The following NFATC3 variants were observed in gnomAD, a reference collection of about 807,000 sequenced individuals.
NFATC3 encodes nuclear factor of activated T-cells, cytoplasmic 3.
In NFATC3, 46 loss-of-function variants were observed where a neutral mutation model predicts 98.6. That is an observed-to-expected ratio of 0.47 (90% CI 0.37 to 0.60). NFATC3 has a LOEUF of 0.60. Among genes scored for constraint, NFATC3 ranks in the 20% least tolerant of loss-of-function variants. The pLI, the probability that NFATC3 is intolerant of heterozygous loss-of-function variation, is 0.00. For missense variants in NFATC3, 1,256 were observed against 1,295.5 expected, an observed-to-expected ratio of 0.97 and a Z score of 0.47; for synonymous variants, 512 against 472.2, an observed-to-expected ratio of 1.08 and a Z score of -1.09.
intron 1 of NFATC3, chr16:68,089,011 A>G (rs75739761): frequency 0.044 from 42,926 of 985,312 alleles, 990 homozygotes; most frequent in Middle Eastern, 0.097. Context: ...GTTTTGAATC[A>G]TTGCTCACTG....
intron 3 of NFATC3, among the ~76,000 whole-genome samples, chr16:68,129,140 C>T (rs576792825): frequency 1.4e-4 from 21 of 152,130 alleles, no homozygotes; most frequent in Non-Finnish European, 3.1e-4. Flanking sequence ...TAGCATGCGC[C>T]TGTAGTCCCA....
intron 3 of NFATC3, among the ~76,000 whole-genome samples, chr16:68,156,239 T>TG (rs1297864774): frequency 2.0e-5 from 3 of 151,816 alleles, no homozygotes; most frequent in East Asian, 1.9e-4. Flanking sequence ...CGCTTGACCC[T>TG]GGGGGGCAGA....
chr16:68,127,277 A>G (rs545085168), intron 3 of NFATC3, among the ~76,000 whole-genome samples: 7 of 152,256 alleles, frequency 4.6e-5, no homozygotes, highest in East Asian at 1.9e-4. Context: ...ATTACCCAAA[A>G]TCTAACCCTC....
At chr16:68,116,374 A>G (rs1409962249) in intron 1 of NFATC3, among the ~76,000 whole-genome samples, 1 of 152,126 alleles carries the variant, frequency 6.6e-6, no homozygotes, top group Non-Finnish European at 1.5e-5. Context: ...CATACTATAC[A>G]TAAAAACATT....
chr16:68,133,404 C>T (rs912904699), intron 3 of NFATC3, among the ~76,000 whole-genome samples: 4 of 151,994 alleles, frequency 2.6e-5, no homozygotes, highest in Non-Finnish European at 4.4e-5. Context: ...CTATTTACTC[C>T]GCAAATATGT....
At chr16:68,200,396 A>C (rs1177712837) in intron 9 of NFATC3, 1 of 151,930 alleles carries the variant, frequency 6.6e-6, no homozygotes, top group Non-Finnish European at 1.5e-5. Context: ...CTTTCCCTAC[A>C]TAGGTTTATA....
chr16:68,207,348 C>T (rs1252690134), intron 9 of NFATC3, among the ~76,000 whole-genome samples: 4 of 152,026 alleles, frequency 2.6e-5, no homozygotes, highest in Non-Finnish European at 4.4e-5. Flanking sequence ...GTTTCCCTCT[C>T]GGCTGTTGGG....
At chr16:68,094,314 T>C (rs574230162) in intron 1 of NFATC3, among the ~76,000 whole-genome samples, 1 of 152,226 alleles carries the variant, frequency 6.6e-6, no homozygotes, top group African/African-American at 2.4e-5. Context: ...TTTAGATCTG[T>C]CGTCAAAATT....
In NFATC3 at chr16:68,226,534, T is replaced by C. The variant is rs1430188289; in HGVS notation, c.*63T>C. The C allele has an allele frequency of 6.3e-6, 9 of 1,439,042 alleles. No individual in the cohort carries two copies. Among genetic ancestry groups the C allele is most frequent in the East Asian group, 2.7e-5 (1 of 36,390 alleles). The allele number at this position is 1,439,042 out of a possible 1,614,324, so 89.1% of individuals were successfully genotyped here. A position where few individuals can be genotyped will look rare whatever the true frequency, so the allele number is the denominator to read the frequency against. On this transcript the variant is annotated 3_prime_UTR_variant, in exon 10 of 10. Transcript: ENST00000346183. ...TCAGCATGTTTCTCTCCTTGGACCT[T>C]GGGTTTCCAACTCTGCAGCCTTCAG...
intron 1 of NFATC3, among the ~76,000 whole-genome samples, chr16:68,117,337 T>C (rs924602896): frequency 4.6e-5 from 7 of 152,202 alleles, no homozygotes; most frequent in African/African-American, 1.7e-4. Context: ...CTCCTAAATT[T>C]ATATCAGATC....
At chr16:68,133,803 TTATC>T (rs1166964058) in intron 3 of NFATC3, among the ~76,000 whole-genome samples, 1 of 152,180 alleles carries the variant, frequency 6.6e-6, no homozygotes, top group Non-Finnish European at 1.5e-5. Flanking sequence ...AAGTGTTTCT[TTATC>T]TGTTATCTTT....
At chr16:68,161,336 G>C (rs1405798537) in intron 4 of NFATC3, among the ~76,000 whole-genome samples, 2 of 152,134 alleles carry the variant, frequency 1.3e-5, no homozygotes, top group Non-Finnish European at 2.9e-5. Context: ...CATTCCTCTG[G>C]ATATTCAAAG....
intron 1 of NFATC3, among the ~76,000 whole-genome samples, chr16:68,118,930 C>T (rs1028091994): frequency 3.3e-5 from 5 of 152,096 alleles, no homozygotes; most frequent in Admixed American, 2.6e-4. Flanking sequence ...TGCAATGGCG[C>T]GATCTTGGCT....
intron 1 of NFATC3, among the ~76,000 whole-genome samples, chr16:68,115,036 A>G (rs1325501016): frequency 1.3e-5 from 2 of 151,732 alleles, no homozygotes; most frequent in African/African-American, 4.8e-5. Context: ...GTGAAACACA[A>G]TTTAAATAAC....
intron 3 of NFATC3, among the ~76,000 whole-genome samples, chr16:68,148,488 A>G (rs2038152413): frequency 1.3e-5 from 2 of 152,228 alleles, no homozygotes; most frequent in Admixed American, 6.5e-5. Flanking sequence ...TTTACAGAAA[A>G]TGGAAACATA....
chr16:68,112,937 A>C (rs2036062084), intron 1 of NFATC3, among the ~76,000 whole-genome samples: 1 of 152,150 alleles, frequency 6.6e-6, no homozygotes, highest in Non-Finnish European at 1.5e-5. Flanking sequence ...CAGCTCAATC[A>C]GGTCATTTAT....
intron 1 of NFATC3, among the ~76,000 whole-genome samples, chr16:68,095,132 G>A (rs1045049765): frequency 1.3e-5 from 2 of 152,082 alleles, no homozygotes; most frequent in Non-Finnish European, 2.9e-5. Flanking sequence ...GATGCTGGGA[G>A]GGGGTCAACC....
intron 3 of NFATC3, among the ~76,000 whole-genome samples, chr16:68,143,209 T>TAAAAAAAAAAAAAAA: frequency 2.0e-5 from 1 of 49,778 alleles, no homozygotes; most frequent in Non-Finnish European, 4.8e-5. Flanking sequence ...AAGACCATGC[T>TAAAAAAAAAAAAAAA]AAAAAAAAAA....
chr16:68,103,193 T>TA (rs1412328338), intron 1 of NFATC3, among the ~76,000 whole-genome samples: 4 of 150,912 alleles, frequency 2.7e-5, no homozygotes, highest in East Asian at 3.9e-4. Flanking sequence ...TTTTTTTTAT[T>TA]TTATTATTAT....
Sources: gnomAD v4.1 joint callset for allele counts (sites outside exome capture counted in the v4.1 genomes callset) on GRCh38, gnomAD v4.1.1 for gene constraint, MANE v1.5 for transcripts, NCBI Gene and HGNC (gene_info 2026-07-23, HGNC 2026-07-21) for gene names.